The following PITPNC1 variants were observed in gnomAD, a reference collection of about 807,000 sequenced individuals.
The protein encoded by PITPNC1 is cytoplasmic phosphatidylinositol transfer protein 1.
In PITPNC1, 18 loss-of-function variants were observed where a neutral mutation model predicts 44.7. That is an observed-to-expected ratio of 0.40 (90% CI 0.28 to 0.60). The LOEUF (loss-of-function observed/expected upper bound fraction) is 0.60, where lower values mean the gene tolerates loss of function less well. PITPNC1 is among the 20% of genes least tolerant of loss of function. The pLI, the probability that PITPNC1 is intolerant of heterozygous loss-of-function variation, is 0.39. For synonymous variants in PITPNC1, 141 were observed against 149.6 expected (o/e 0.94, Z 0.42); for missense variants, 290 against 418.4 (o/e 0.69, Z 2.68).
At chr17:67,555,689 A>G (rs1433171549) in intron 4 of PITPNC1, among the ~76,000 whole-genome samples, 1 of 146,392 alleles carries the variant, frequency 6.8e-6, no homozygotes, top group Admixed American at 6.8e-5. Context: ...AAAAAAAAAA[A>G]AAAAGGTAGT....
At chr17:67,657,967 A>G (rs1377536597) in intron 6 of PITPNC1, among the ~76,000 whole-genome samples, 1 of 152,248 alleles carries the variant, frequency 6.6e-6, no homozygotes, top group African/African-American at 2.4e-5. Context: ...TGGAATAGAT[A>G]CCATCTCAAA....
At chr17:67,480,885 A>G (rs922881471) in intron 1 of PITPNC1, among the ~76,000 whole-genome samples, 7 of 152,160 alleles carry the variant, frequency 4.6e-5, no homozygotes, top group Non-Finnish European at 1.0e-4. Flanking sequence ...TGCTGTAACA[A>G]GAGATCCAAC....
intron 2 of PITPNC1, among the ~76,000 whole-genome samples, chr17:67,538,465 T>G (rs1400068731): frequency 1.3e-5 from 2 of 152,104 alleles, no homozygotes; most frequent in African/African-American, 4.8e-5. Flanking sequence ...CCAGGTGTGG[T>G]GGCACACAGC....
At chr17:67,610,526 C>T (rs182197728) in intron 5 of PITPNC1, among the ~76,000 whole-genome samples, 4 of 152,222 alleles carry the variant, frequency 2.6e-5, no homozygotes, top group African/African-American at 7.2e-5. Context: ...GGCGTGGTGC[C>T]GGCACACATC....
At chr17:67,428,492 T>C (rs1308690352) in intron 1 of PITPNC1, among the ~76,000 whole-genome samples, 1 of 148,770 alleles carries the variant, frequency 6.7e-6, no homozygotes, top group Non-Finnish European at 1.5e-5. Context: ...GAAATCGCAC[T>C]ACTGCACTTC....
intron 2 of PITPNC1, 117 bp downstream of exon 2, chr17:67,533,067 C>G (rs2040484560): frequency 4.1e-6 from 3 of 740,024 alleles, no homozygotes; most frequent in Non-Finnish European, 6.6e-6. Context: ...TAACTACGTC[C>G]ACCGTCTACG....
intron 1 of PITPNC1, chr17:67,471,452 C>A: frequency 2.8e-6 from 1 of 356,438 alleles, no homozygotes; most frequent in Non-Finnish European, 5.3e-6. Context: ...GGACCTACGT[C>A]TTCATTTGAG....
intron 1 of PITPNC1, among the ~76,000 whole-genome samples, chr17:67,403,279 T>C (rs1330803623): frequency 6.9e-6 from 1 of 144,028 alleles, no homozygotes; most frequent in Non-Finnish European, 1.5e-5. Context: ...AACCAGTAGG[T>C]ATTTGGGTGT....
At chr17:67,539,532 T>C (rs986170755) in intron 2 of PITPNC1, among the ~76,000 whole-genome samples, 3 of 152,186 alleles carry the variant, frequency 2.0e-5, no homozygotes, top group Non-Finnish European at 4.4e-5. Flanking sequence ...ACGTGCAATA[T>C]ATCAGCTGCA....
At chr17:67,628,698 G>A (rs187840301) in intron 5 of PITPNC1, among the ~76,000 whole-genome samples, 5 of 152,298 alleles carry the variant, frequency 3.3e-5, no homozygotes, top group Non-Finnish European at 7.4e-5. Context: ...TGTGGAGAGA[G>A]AGTCGGGGCA....
intron 1 of PITPNC1, among the ~76,000 whole-genome samples, chr17:67,463,185 TTA>T (rs1491534744): frequency 1.6e-4 from 6 of 36,890 alleles, no homozygotes; most frequent in Non-Finnish European, 3.2e-4. Context: ...TAATTCAGAC[TTA>T]TAAATACTTC....
chr17:67,415,389 A>T (rs1183215977), intron 1 of PITPNC1, among the ~76,000 whole-genome samples: 1 of 152,166 alleles, frequency 6.6e-6, no homozygotes, highest in Non-Finnish European at 1.5e-5. Context: ...TCCTAACAAG[A>T]CGCACGTCAT....
At chr17:67,651,443 G>A (rs1028903514) in intron 6 of PITPNC1, among the ~76,000 whole-genome samples, 9 of 152,028 alleles carry the variant, frequency 5.9e-5, no homozygotes, top group Admixed American at 3.3e-4. Flanking sequence ...AACTTGGGAC[G>A]TGGTGGTTGC....
At chr17:67,630,035 T>C (rs2041946439) in intron 5 of PITPNC1, among the ~76,000 whole-genome samples, 2 of 152,180 alleles carry the variant, frequency 1.3e-5, no homozygotes, top group African/African-American at 4.8e-5. Context: ...TCAGAAAGCA[T>C]TTAGAAAGGA....
intron 6 of PITPNC1, among the ~76,000 whole-genome samples, chr17:67,655,583 G>T (rs1224002554): frequency 1.3e-5 from 1 of 74,684 alleles, no homozygotes. Flanking sequence ...AAAAAAAAAA[G>T]CACTAATTGC....
intron 1 of PITPNC1, among the ~76,000 whole-genome samples, chr17:67,437,666 T>A (rs2038955726): frequency 6.6e-6 from 1 of 152,204 alleles, no homozygotes; most frequent in Admixed American, 6.5e-5. Context: ...CTGGCCATTC[T>A]ATAGACCTTC....
chr17:67,566,349 G>A (rs772626500), intron 4 of PITPNC1, among the ~76,000 whole-genome samples: 12 of 151,990 alleles, frequency 7.9e-5, no homozygotes, highest in African/African-American at 1.7e-4. Context: ...GATGACAGGC[G>A]TGCACCACCA....
intron 1 of PITPNC1, among the ~76,000 whole-genome samples, chr17:67,439,716 C>A (rs1346485861): frequency 3.9e-5 from 6 of 152,122 alleles, no homozygotes; most frequent in African/African-American, 1.4e-4. Flanking sequence ...ATATCTCTCA[C>A]CTTACATACT....
intron 5 of PITPNC1, among the ~76,000 whole-genome samples, chr17:67,578,683 A>G (rs1299930912): frequency 6.6e-6 from 1 of 152,250 alleles, no homozygotes; most frequent in Non-Finnish European, 1.5e-5. Context: ...GTATGTGTGA[A>G]CAGAAAAGGA....
Sources: allele counts gnomAD v4.1 joint callset (sites outside exome capture counted in the v4.1 genomes callset), GRCh38; gene constraint gnomAD v4.1.1; transcripts MANE v1.5; gene names NCBI Gene and HGNC (gene_info 2026-07-23, HGNC 2026-07-21).